ROBO1: variants seen among roughly 807,000 people sequenced by gnomAD.
ROBO1 encodes roundabout homolog 1.
A neutral mutation model predicts 195.9 loss-of-function variants in ROBO1; 149 were observed. The ratio of observed to expected loss-of-function variants is 0.76; its 90% CI spans 0.67 to 0.87. The LOEUF is 0.87. Among genes scored for constraint, ROBO1 ranks in the 40% least tolerant of loss-of-function variants. The probability of loss-of-function intolerance (pLI) is 0.00; values close to 1 mark genes in which losing one functional copy is unlikely to be tolerated. For synonymous variants in ROBO1, 816 were observed against 733.2 expected (o/e 1.11, Z -1.82); for missense variants, 1,933 against 2,068.3 (o/e 0.93, Z 1.27).
chr3:78,866,363 C>G (rs1243646605), intron 4 of ROBO1, among the ~76,000 whole-genome samples: 1 of 152,106 alleles, frequency 6.6e-6, no homozygotes, highest in Non-Finnish European at 1.5e-5. Context: ...TCCCTCGGAT[C>G]ACCAGTGCCT....
At chr3:79,346,693 G>T (rs2035132354) in intron 2 of ROBO1, among the ~76,000 whole-genome samples, 1 of 151,834 alleles carries the variant, frequency 6.6e-6, no homozygotes, top group African/African-American at 2.4e-5. Context: ...TCTAATAAAA[G>T]TTTCCTAAAT....
chr3:78,891,209 G>A (rs2036868631), intron 4 of ROBO1, among the ~76,000 whole-genome samples: 1 of 151,986 alleles, frequency 6.6e-6, no homozygotes, highest in Non-Finnish European at 1.5e-5. Context: ...ATATACAATG[G>A]AAAAAATACA....
At position 79,340,007 on chromosome 3, in the gene ROBO1, C is replaced by T. The variant is rs550818496; in HGVS notation, c.89-214468G>A. On this transcript the variant is annotated intron_variant, in intron 2 of 30. Coordinates refer to ENST00000464233, the MANE Select transcript of ROBO1 (RefSeq NM_002941.4). ...TATCAAGTTCCAACTCTCTATGTTC[C>T]GGCTTCTAGGTTCCCTGTATGTTGG... Among the ~76,000 whole-genome samples, 5 of 152,248 alleles carry T rather than the reference C, an allele frequency of 3.3e-5. No individual in the cohort carries two copies. In the East Asian group the frequency reaches 7.7e-4, roughly 24 times the overall value.
At chr3:79,676,489 T>A (rs145328640) in intron 1 of ROBO1, among the ~76,000 whole-genome samples, 1 of 152,132 alleles carries the variant, frequency 6.6e-6, no homozygotes, top group African/African-American at 2.4e-5. Context: ...TCTTCTTCCA[T>A]GTTCACTCGG....
chr3:78,699,061 GTCTTTCCTCCTGGAAATACACAA>G (rs2081361938), intron 8 of ROBO1, among the ~76,000 whole-genome samples: 1 of 152,138 alleles, frequency 6.6e-6, no homozygotes, highest in South Asian at 2.1e-4. Context: ...CATCTTTCCT[GTCTTTCCTCCTGGAAATACACAA>G]TCAACCAGCA....
chr3:79,027,317 C>A (rs2078220281), intron 3 of ROBO1, among the ~76,000 whole-genome samples: 1 of 151,984 alleles, frequency 6.6e-6, no homozygotes, highest in African/African-American at 2.4e-5. Context: ...AAAAGACTAT[C>A]CAAGCTTATT....
intron 3 of ROBO1, among the ~76,000 whole-genome samples, chr3:79,051,559 A>C (rs1167733164): frequency 6.6e-6 from 1 of 152,168 alleles, no homozygotes; most frequent in East Asian, 1.9e-4. Context: ...TCATTTTAGG[A>C]GGCCAGTATC....
At chr3:78,885,007 CTTATGAAATAATCT>C (rs1284497110) in intron 4 of ROBO1, among the ~76,000 whole-genome samples, 1 of 151,936 alleles carries the variant, frequency 6.6e-6, no homozygotes, top group Non-Finnish European at 1.5e-5. Context: ...TGTAAGATGT[CTTATGAAATAATCT>C]TCACAAAGAT....
At chr3:79,018,239 C>G (rs777474766) in intron 3 of ROBO1, among the ~76,000 whole-genome samples, 1 of 152,118 alleles carries the variant, frequency 6.6e-6, no homozygotes, top group East Asian at 1.9e-4. Context: ...AAAGAGACAA[C>G]CCCAAATGCG....
chr3:79,304,496 C>A (rs1576949541), intron 2 of ROBO1, among the ~76,000 whole-genome samples: 1 of 152,086 alleles, frequency 6.6e-6, no homozygotes. Context: ...CTTTCTTATG[C>A]CCCTTGGTAT....
Position 79,326,639 on chromosome 3 carries a change from T to C in ROBO1, c.89-201100A>G, listed in dbSNP as rs557671530. 2.0e-4 allele frequency among the ~76,000 whole-genome samples: 31 copies of C among 152,328 alleles called. No individual in the cohort carries two copies. In the South Asian group the frequency reaches 4.1e-3, roughly 20 times the overall value. On this transcript the variant is annotated intron_variant, in intron 2 of 30. Coordinates refer to ENST00000464233, the MANE Select transcript of ROBO1 (RefSeq NM_002941.4). ...CCAATATGAATTGTGAGCTGTTAGGTTGACACAAAAGTAATTGTGGTTTTT... is the reference window on the plus strand; with the variant it reads ...CCAATATGAATTGTGAGCTGTTAGGCTGACACAAAAGTAATTGTGGTTTTT...
chr3:79,480,132 A>C (rs73131024), intron 2 of ROBO1, among the ~76,000 whole-genome samples: 17,477 of 152,158 alleles, frequency 0.11, 1,160 homozygotes, highest in African/African-American at 0.18. Context: ...TTTTAACTAC[A>C]ATTGTTTTAC....
At chr3:78,630,397 C>A (rs6807427) in intron 25 of ROBO1, among the ~76,000 whole-genome samples, 91,662 of 151,994 alleles carry the variant, frequency 0.6, 28,233 homozygotes, top group East Asian at 0.73. Context: ...TTATTAGAAA[C>A]CTGAAGCACA....
chr3:78,892,073 T>G (rs1278883839), intron 4 of ROBO1, among the ~76,000 whole-genome samples: 1 of 152,144 alleles, frequency 6.6e-6, no homozygotes, highest in Non-Finnish European at 1.5e-5. Flanking sequence ...AAATTTTACC[T>G]CAATAAAAAA....
intron 2 of ROBO1, among the ~76,000 whole-genome samples, chr3:79,158,141 A>G (rs1347413989): frequency 3.3e-5 from 5 of 151,754 alleles, no homozygotes; most frequent in Admixed American, 3.3e-4. Flanking sequence ...AAAACAATAA[A>G]ATTTTAGTCA....
At chr3:79,655,155 T>C (rs1946123198) in intron 1 of ROBO1, among the ~76,000 whole-genome samples, 2 of 152,040 alleles carry the variant, frequency 1.3e-5, no homozygotes, top group Admixed American at 1.3e-4. Flanking sequence ...AAGTACACTT[T>C]AACACATTTT....
At chr3:79,614,413 C>A (rs922740986) in intron 1 of ROBO1, among the ~76,000 whole-genome samples, 6 of 151,900 alleles carry the variant, frequency 3.9e-5, no homozygotes, top group African/African-American at 1.5e-4. Context: ...ATATGTTGAA[C>A]TAAATGGAAA....
chr3:79,379,747 T>C (rs1193933220), intron 2 of ROBO1, among the ~76,000 whole-genome samples: 1 of 152,198 alleles, frequency 6.6e-6, no homozygotes, highest in African/African-American at 2.4e-5. Flanking sequence ...ATTTACTGTA[T>C]ATTATGCCAG....
intron 2 of ROBO1, among the ~76,000 whole-genome samples, chr3:79,467,539 C>G (rs977059883): frequency 6.6e-6 from 1 of 151,720 alleles, no homozygotes; most frequent in African/African-American, 2.4e-5. Context: ...GTCTGAATGT[C>G]AAGAAGATGG....
Sources: allele counts gnomAD v4.1 joint callset (sites outside exome capture counted in the v4.1 genomes callset), GRCh38; gene constraint gnomAD v4.1.1; transcripts MANE v1.5; gene names NCBI Gene and HGNC (gene_info 2026-07-23, HGNC 2026-07-21).